The following C2orf66 variants were observed in gnomAD, a reference collection of about 807,000 sequenced individuals.
C2orf66 encodes the protein chromosome 2 open reading frame 66.
A neutral mutation model predicts 7.0 loss-of-function variants in C2orf66; 6 were observed. That is an observed-to-expected ratio of 0.86 (90% CI 0.47 to 1.69). The LOEUF (loss-of-function observed/expected upper bound fraction) is 1.69, where lower values mean the gene tolerates loss of function less well. Ranked by LOEUF, C2orf66 falls within the 40% of genes most tolerant of loss-of-function variation. The pLI is 0.01. For synonymous variants in C2orf66, 38 were observed against 43.8 expected (o/e 0.87, Z 0.52); for missense variants, 107 against 112.0 (o/e 0.96, Z 0.20).
At chr2:196,830,131 C>T in the C2orf66 span, among the ~76,000 whole-genome samples, 1 of 152,094 alleles carries the variant, frequency 6.6e-6, no homozygotes, top group Non-Finnish European at 1.5e-5. Context: ...TCTTTTGGCA[C>T]TTTGTAATGC....
the C2orf66 span, among the ~76,000 whole-genome samples, chr2:196,827,032 A>AAAAACAAAACAAAAC: frequency 2.0e-3 from 295 of 151,030 alleles, no homozygotes; most frequent in East Asian, 0.018. Flanking sequence ...ACTCTGTCTC[A>AAAAACAAAACAAAAC]AAAACAAAAC....
chr2:196,819,756 C>A, the C2orf66 span, among the ~76,000 whole-genome samples: 2 of 152,192 alleles, frequency 1.3e-5, no homozygotes, highest in African/African-American at 4.8e-5. Context: ...ATTAAAAATT[C>A]TGTAGGTAAA....
chr2:196,810,325 T>C (rs541434362), upstream of C2orf66: 2 of 152,348 alleles, frequency 1.3e-5, no homozygotes, highest in African/African-American at 4.8e-5. Flanking sequence ...ATATGACTTT[T>C]TCAAGTTAAC....
At chr2:196,828,178 G>A in the C2orf66 span, among the ~76,000 whole-genome samples, 1 of 144,478 alleles carries the variant, frequency 6.9e-6, no homozygotes, top group Non-Finnish European at 1.5e-5. Context: ...TTCAAAACAA[G>A]CAGAGCAAAT....
upstream of C2orf66, among the ~76,000 whole-genome samples, chr2:196,811,896 G>GA (rs1699880398): frequency 6.6e-6 from 1 of 152,190 alleles, no homozygotes; most frequent in African/African-American, 2.4e-5. Flanking sequence ...GAAGGTGAGG[G>GA]AAAATCAGCA....
At chr2:196,810,976 G>C (rs1170994965), upstream of C2orf66, among the ~76,000 whole-genome samples, 2 of 152,222 alleles carry the variant, frequency 1.3e-5, no homozygotes, top group African/African-American at 4.8e-5. Flanking sequence ...TGCTATGAAA[G>C]TATAGAAAAA....
At chr2:196,814,603 A>G in the C2orf66 span, among the ~76,000 whole-genome samples, 1 of 152,180 alleles carries the variant, frequency 6.6e-6, no homozygotes, top group African/African-American at 2.4e-5. Context: ...ATTTTTACTG[A>G]GATTATAGTA....
the C2orf66 span, among the ~76,000 whole-genome samples, chr2:196,829,779 C>T: frequency 0.1 from 15,837 of 151,652 alleles, 906 homozygotes; most frequent in African/African-American, 0.17. Context: ...CGCCTGTAGT[C>T]CCAGCTACTC....
Position 196,807,629 on chromosome 2 carries a change from A to G in C2orf66, c.124-7T>C, listed in dbSNP as rs1576048385. 1.2e-6 allele frequency: 2 copies of G among 1,601,602 alleles called. No homozygotes were observed. Among genetic ancestry groups the G allele is most frequent in the Non-Finnish European group, 1.7e-6 (2 of 1,176,350 alleles). ...CCTGAAGCCTTCTGAAAAACTAAAGAGAGAAAGAAAATGGTCAATGCCAGA... is the reference window on the plus strand; with the variant it reads ...CCTGAAGCCTTCTGAAAAACTAAAGGGAGAAAGAAAATGGTCAATGCCAGA... On this transcript the variant is annotated splice_region_variant and splice_polypyrimidine_tract_variant and intron_variant, in intron 1 of 2. Transcript: ENST00000342506.
At chr2:196,815,807 G>A in the C2orf66 span, among the ~76,000 whole-genome samples, 1 of 152,074 alleles carries the variant, frequency 6.6e-6, no homozygotes, top group Non-Finnish European at 1.5e-5. Context: ...AACCCTTCTT[G>A]TCTCTTTTAA....
At chr2:196,809,183 C>G in intron 1 of C2orf66, 31 bp downstream of exon 1, 1 of 1,605,302 alleles carries the variant, frequency 6.2e-7, no homozygotes, top group Admixed American at 1.7e-5. Flanking sequence ...TTAGTTCTAT[C>G]CTGAAACCCA....
chr2:196,831,530 G>A, the C2orf66 span, among the ~76,000 whole-genome samples: 2 of 152,070 alleles, frequency 1.3e-5, no homozygotes, highest in Admixed American at 6.5e-5. Flanking sequence ...TCTCTTGGCC[G>A]GAATACCACT....
At chr2:196,831,599 T>C in the C2orf66 span, among the ~76,000 whole-genome samples, 3 of 152,134 alleles carry the variant, frequency 2.0e-5, no homozygotes, top group Admixed American at 2.0e-4. Context: ...TGCTCACCTG[T>C]CCAAACCCAA....
chr2:196,827,299 A>G, the C2orf66 span, among the ~76,000 whole-genome samples: 164 of 152,032 alleles, frequency 1.1e-3, no homozygotes, highest in East Asian at 0.019. Flanking sequence ...ACATTGGGGG[A>G]AAAAACTTGT....
chr2:196,809,401 C>T (rs376639065), upstream of C2orf66: 60 of 1,598,746 alleles, frequency 3.8e-5, no homozygotes, highest in Middle Eastern at 1.7e-4. Flanking sequence ...GAGAGATAGT[C>T]AGGGAAGAGA....
chr2:196,821,796 A>G, the C2orf66 span, among the ~76,000 whole-genome samples: 26 of 152,078 alleles, frequency 1.7e-4, no homozygotes, highest in Non-Finnish European at 3.4e-4. Flanking sequence ...TAAAAGGAGT[A>G]GTTTTAGAGA....
the C2orf66 span, among the ~76,000 whole-genome samples, chr2:196,829,501 A>G: frequency 2.0e-5 from 3 of 151,740 alleles, no homozygotes; most frequent in African/African-American, 7.3e-5. Context: ...AGGCAGGAGA[A>G]TCACTTGAAC....
the C2orf66 span, among the ~76,000 whole-genome samples, chr2:196,816,851 TGTGG>T: frequency 6.6e-6 from 1 of 152,226 alleles, no homozygotes; most frequent in Admixed American, 6.5e-5. Context: ...CATATTTCAA[TGTGG>T]GTTCTTTCTA....
chr2:196,811,101 T>C (rs1699870419), upstream of C2orf66, among the ~76,000 whole-genome samples: 1 of 152,146 alleles, frequency 6.6e-6, no homozygotes, highest in African/African-American at 2.4e-5. Context: ...GGGAGAAGTG[T>C]GTCTAAAAAG....
Sources: allele counts gnomAD v4.1 joint callset (sites outside exome capture counted in the v4.1 genomes callset), GRCh38; gene constraint gnomAD v4.1.1; transcripts MANE v1.5; gene names NCBI Gene and HGNC (gene_info 2026-07-23, HGNC 2026-07-21).